The following IGF1R variants were observed in gnomAD, a reference collection of about 807,000 sequenced individuals.
IGF1R encodes the protein insulin-like growth factor 1 receptor.
Under a neutral mutation model 144.6 loss-of-function variants are expected in IGF1R, and 44 were observed. The ratio of observed to expected loss-of-function variants is 0.30; its 90% confidence interval spans 0.24 to 0.39. IGF1R has a LOEUF of 0.39. Among genes scored for constraint, IGF1R ranks in the 10% least tolerant of loss-of-function variants. IGF1R has a pLI of 1.00. For synonymous variants in IGF1R, 795 were observed against 722.8 expected (o/e 1.10, Z -1.60); for missense variants, 1,355 against 1,833.7 (o/e 0.74, Z 4.77).
chr15:98,906,390 T>A (rs972533219), intron 5 of IGF1R, among the ~76,000 whole-genome samples: 3 of 152,234 alleles, frequency 2.0e-5, no homozygotes, highest in Non-Finnish European at 4.4e-5. Flanking sequence ...CTAACTCAGG[T>A]ACCTGGAAGC....
intron 2 of IGF1R, among the ~76,000 whole-genome samples, chr15:98,757,581 T>C (rs536899325): frequency 6.6e-6 from 1 of 152,330 alleles, no homozygotes; most frequent in Admixed American, 6.5e-5. Flanking sequence ...ATTACATATT[T>C]ATCACATGTA....
intron 2 of IGF1R, among the ~76,000 whole-genome samples, chr15:98,828,941 C>G (rs750840968): frequency 6.6e-6 from 1 of 152,128 alleles, no homozygotes; most frequent in South Asian, 2.1e-4. Context: ...GCTACGTGAA[C>G]TACTTGAGAA....
chr15:98,675,574 A>G (rs991302002), intron 1 of IGF1R, among the ~76,000 whole-genome samples: 4 of 152,236 alleles, frequency 2.6e-5, no homozygotes, highest in African/African-American at 4.8e-5. Context: ...CATTTAATAT[A>G]GAATAGCAGT....
chr15:98,950,663 C>G (rs1427239043), intron 20 of IGF1R, among the ~76,000 whole-genome samples: 1 of 151,762 alleles, frequency 6.6e-6, no homozygotes, highest in Non-Finnish European at 1.5e-5. Context: ...GGTTTTTTAC[C>G]TGATAAAGTC....
chr15:98,776,430 C>T (rs536398412), intron 2 of IGF1R, among the ~76,000 whole-genome samples: 12 of 152,138 alleles, frequency 7.9e-5, no homozygotes, highest in Admixed American at 2.0e-4. Context: ...AGATGATCCA[C>T]GCGCCTTGGC....
In IGF1R at chr15:98,772,353, T is replaced by G. The variant is rs138813164; in HGVS notation, c.640+64246T>G. On this transcript the variant is annotated intron_variant, in intron 2 of 20. Transcript: ENST00000650285. The stretch of plus-strand genomic sequence containing the variant: ...TTTTGATATACTGTTGTTTTCAAAT[T>G]GAGTTCTCATAGTGTGGTCGGCTCT... Among the ~76,000 whole-genome samples the G allele has an allele frequency of 1.9e-4, 29 of 152,102 alleles. No homozygotes were observed. In the East Asian group the frequency reaches 5.4e-3, roughly 28 times the overall value.
chr15:98,753,229 C>G lies in IGF1R; in HGVS notation c.640+45122C>G, dbSNP rs550493895. Among the ~76,000 whole-genome samples, 719 of 99,698 alleles carry G rather than the reference C, an allele frequency of 7.2e-3. 4 individuals are homozygous for G. Among genetic ancestry groups the G allele is most frequent in the African/African-American group, 0.022 (690 of 31,304 alleles). 65.4% of individuals were successfully genotyped at this position (99,698 alleles called of 152,430 possible). ...TACAGGTGTGAGCCATTACGTCCAGCCTTTTTTTTTTTTTAAATAAAGAGG... is the reference window on the plus strand; with the variant it reads ...TACAGGTGTGAGCCATTACGTCCAGGCTTTTTTTTTTTTTAAATAAAGAGG... On this transcript the variant is annotated intron_variant, in intron 2 of 20. Transcript: ENST00000650285.
At chr15:98,652,560 T>C (rs995751382) in intron 1 of IGF1R, among the ~76,000 whole-genome samples, 12 of 152,200 alleles carry the variant, frequency 7.9e-5, no homozygotes, top group African/African-American at 2.7e-4. Flanking sequence ...TAATGTTTGA[T>C]TTGTCGAAAA....
rs1233830624 is a variant in IGF1R, at chr15:98,727,044, A to G, written c.640+18937A>G. 2.0e-5 allele frequency among the ~76,000 whole-genome samples: 3 copies of G among 152,116 alleles called. No homozygotes were observed. The East Asian group carries it at 5.8e-4, about 29-fold the overall frequency. ...CCTGATGAATTATTTTCATGTGTGG[A>G]ACAAAACTTTGATGCTGATCAGTGA... On this transcript the variant is annotated intron_variant, in intron 2 of 20. Coordinates refer to ENST00000650285, the MANE Select transcript of IGF1R (RefSeq NM_000875.5).
At chr15:98,688,594 C>G (rs1322771156) in intron 1 of IGF1R, among the ~76,000 whole-genome samples, 1 of 152,144 alleles carries the variant, frequency 6.6e-6, no homozygotes, top group African/African-American at 2.4e-5. Context: ...CCAGAGCTCT[C>G]CACCTTGCCA....
chr15:98,651,879 C>G (rs1239252103), intron 1 of IGF1R, among the ~76,000 whole-genome samples: 1 of 150,534 alleles, frequency 6.6e-6, no homozygotes, highest in African/African-American at 2.5e-5. Context: ...CCCTCCATCT[C>G]TGAAATGTGG....
intron 20 of IGF1R, among the ~76,000 whole-genome samples, chr15:98,955,166 A>G (rs570807019): frequency 6.6e-6 from 1 of 152,302 alleles, no homozygotes; most frequent in African/African-American, 2.4e-5. Flanking sequence ...GGACTTCAGC[A>G]GTTCACACAC....
chr15:98,889,470 G>C (rs183036461), intron 2 of IGF1R, among the ~76,000 whole-genome samples: 1 of 152,320 alleles, frequency 6.6e-6, no homozygotes, highest in East Asian at 1.9e-4. Context: ...CATGAAGATT[G>C]CTTTGCCGAT....
At chr15:98,884,953 T>C (rs1024351230) in intron 2 of IGF1R, among the ~76,000 whole-genome samples, 1 of 152,166 alleles carries the variant, frequency 6.6e-6, no homozygotes, top group African/African-American at 2.4e-5. Context: ...CCCTCCCCTC[T>C]GTCTCCAGTG....
chr15:98,701,993 G>A (rs541793660), intron 1 of IGF1R, among the ~76,000 whole-genome samples: 10 of 151,412 alleles, frequency 6.6e-5, no homozygotes, highest in Non-Finnish European at 1.3e-4. Flanking sequence ...CTGAGAGCAG[G>A]AGCTGGTAAA....
At chr15:98,879,770 G>C (rs1179101852) in intron 2 of IGF1R, among the ~76,000 whole-genome samples, 3 of 152,116 alleles carry the variant, frequency 2.0e-5, no homozygotes, top group Non-Finnish European at 4.4e-5. Context: ...AATCATGAAA[G>C]TCAAAATTTA....
At chr15:98,728,367 C>T (rs1484499579) in intron 2 of IGF1R, among the ~76,000 whole-genome samples, 1 of 152,090 alleles carries the variant, frequency 6.6e-6, no homozygotes, top group Non-Finnish European at 1.5e-5. Context: ...ACTGGAGGGG[C>T]CTGAGCTCCT....
Position 98,893,459 on chromosome 15 carries a change from G to A in IGF1R, c.953+1822G>A, listed in dbSNP as rs534636856. The A allele has an allele frequency of 7.2e-5, 11 of 152,302 alleles. No homozygotes were observed. The South Asian group carries it at 2.3e-3, about 32-fold the overall frequency. 9.4% of individuals were successfully genotyped at this position (152,302 alleles called of 1,614,324 possible). ...ACATCCAAAATCAGTCTACCACATT[G>A]TACTCACATTTTGTTGGCAGCCTTC... On this transcript the variant is annotated intron_variant, in intron 3 of 20. Coordinates refer to ENST00000650285, the MANE Select transcript of IGF1R (RefSeq NM_000875.5).
intron 1 of IGF1R, among the ~76,000 whole-genome samples, chr15:98,696,201 T>A (rs2053594481): frequency 6.6e-6 from 1 of 152,210 alleles, no homozygotes; most frequent in Non-Finnish European, 1.5e-5. Context: ...TCTGTTGATC[T>A]TTTTAGCTCT....
Sources: allele counts gnomAD v4.1 joint callset (sites outside exome capture counted in the v4.1 genomes callset), GRCh38; gene constraint gnomAD v4.1.1; transcripts MANE v1.5; gene names NCBI Gene and HGNC (gene_info 2026-07-23, HGNC 2026-07-21).